Variants in CDH6 observed in about 807,000 individuals in gnomAD.
The protein encoded by CDH6 is cadherin 6, also known as cadherin-6.
CDH6 carries 31 observed loss-of-function variants against 78.0 expected under a neutral mutation model. The ratio of observed to expected loss-of-function variants is 0.40; its 90% confidence interval spans 0.30 to 0.54. The LOEUF (loss-of-function observed/expected upper bound fraction) is 0.54. Ranked by LOEUF, CDH6 falls within the 20% of genes least tolerant of loss-of-function variation. The probability of loss-of-function intolerance (pLI) is 0.56; values close to 1 mark genes in which losing one functional copy is unlikely to be tolerated. For synonymous variants in CDH6, 376 were observed against 368.8 expected, an observed-to-expected ratio of 1.02 and a Z score of -0.23; for missense variants, 724 against 975.9, an observed-to-expected ratio of 0.74 and a Z score of 3.44.
chr5:31,280,496 C>G (rs185389025), intron 2 of CDH6, among the ~76,000 whole-genome samples: 38 of 152,270 alleles, frequency 2.5e-4, no homozygotes, highest in Middle Eastern at 3.4e-3. Context: ...AGCACAGTAC[C>G]AAAGCTGAGG....
chr5:31,288,282 A>G (rs1325650307), intron 2 of CDH6, among the ~76,000 whole-genome samples: 1 of 152,258 alleles, frequency 6.6e-6, no homozygotes, highest in East Asian at 1.9e-4. Flanking sequence ...TGGTAAAATA[A>G]TCATCACATA....
In CDH6 at chr5:31,305,213, G is replaced by A. The variant is rs749169784; in HGVS notation, c.1039G>A (p.Val347Met). The A allele has an allele frequency of 5.0e-6, 8 of 1,613,930 alleles. No individual in the cohort carries two copies. In the South Asian group the frequency reaches 8.8e-5, roughly 18 times the overall value. The change falls in exon 7 of 12, where the codon GTG becomes ATG. Residue 347 changes from valine to methionine, a missense_variant. Val to Met is a conservative substitution (Grantham distance 21). Around this residue, in one of 3 missense-constraint regions of CDH6, gnomAD observed 446 missense variants for 684.5 expected, o/e 0.65. Coordinates refer to ENST00000265071, the MANE Select transcript of CDH6 (RefSeq NM_004932.4). ...AAAGAAGAAAGTGTATACCCTTAAA[G>A]TGGAAGCCTCCAATCCTTATGTTGA... ...FEKKKVYTLK[V>M]EASNPYVEPR...
At chr5:31,228,489 GA>G (rs1280493122) in intron 1 of CDH6, among the ~76,000 whole-genome samples, 1 of 152,114 alleles carries the variant, frequency 6.6e-6, no homozygotes, top group East Asian at 1.9e-4. Context: ...GACACCCATG[GA>G]CTCCCACCCC....
At chr5:31,289,425 T>C (rs1334561487) in intron 2 of CDH6, among the ~76,000 whole-genome samples, 1 of 152,208 alleles carries the variant, frequency 6.6e-6, no homozygotes, top group East Asian at 1.9e-4. Context: ...GGTGTTATGA[T>C]AAACATATGA....
At chr5:31,302,643 G>A (rs534176611) in intron 6 of CDH6, among the ~76,000 whole-genome samples, 32 of 147,340 alleles carry the variant, frequency 2.2e-4, no homozygotes, top group Non-Finnish European at 3.9e-4. Context: ...AGCCTGGGCA[G>A]CAGAGGTTGC....
chr5:31,267,728 T>C, intron 2 of CDH6, 27 bp downstream of exon 2: 2 of 1,547,654 alleles, frequency 1.3e-6, no homozygotes, highest in South Asian at 1.1e-5. Flanking sequence ...TGCTTTGACA[T>C]TCTGGGTTTA....
intron 1 of CDH6, among the ~76,000 whole-genome samples, chr5:31,257,455 G>A (rs564253392): frequency 2.0e-5 from 3 of 152,178 alleles, no homozygotes; most frequent in Admixed American, 6.5e-5. Flanking sequence ...GAGCCACCGC[G>A]CCTGGCCACA....
At chr5:31,320,393 T>G (rs540733605) in intron 11 of CDH6, among the ~76,000 whole-genome samples, 1 of 152,200 alleles carries the variant, frequency 6.6e-6, no homozygotes, top group Non-Finnish European at 1.5e-5. Context: ...AAGCTATAGA[T>G]ACCTTAAGCC....
At chr5:31,312,282 C>T (rs895668538) in intron 7 of CDH6, among the ~76,000 whole-genome samples, 4 of 152,240 alleles carry the variant, frequency 2.6e-5, no homozygotes, top group Non-Finnish European at 5.9e-5. Flanking sequence ...ACTTACCCAT[C>T]TTCCCCGAAT....
At chr5:31,284,974 C>T (rs1742973584) in intron 2 of CDH6, among the ~76,000 whole-genome samples, 2 of 152,158 alleles carry the variant, frequency 1.3e-5, no homozygotes, top group Admixed American at 6.5e-5. Context: ...CCTAAAGAGA[C>T]CGTATTACTG....
chr5:31,223,205 CTTTTAAAAGTGAACCGCA>C (rs1741050539), intron 1 of CDH6, among the ~76,000 whole-genome samples: 1 of 152,116 alleles, frequency 6.6e-6, no homozygotes, highest in Non-Finnish European at 1.5e-5. Context: ...TTTAGAAGCC[CTTTTAAAAGTGAACCGCA>C]TTTTAAGGAC....
At chr5:31,200,123 T>C (rs1740309775) in intron 1 of CDH6, among the ~76,000 whole-genome samples, 1 of 152,190 alleles carries the variant, frequency 6.6e-6, no homozygotes, top group African/African-American at 2.4e-5. Context: ...TTTAAGTTAT[T>C]CATTTTTGAA....
In CDH6 at chr5:31,305,330, C is replaced by G; in HGVS notation, c.1156C>G (p.Leu386Val). 3 of 1,614,138 alleles carry G rather than the reference C, an allele frequency of 1.9e-6. No homozygotes were observed. Among genetic ancestry groups the G allele is most frequent in the Non-Finnish European group, 2.5e-6 (3 of 1,179,990 alleles). ...AGATGAGCCACCTGTCTTCAGCAAACTGGCCTACATCTTACAAATAAGAGA... is the reference window on the plus strand; with the variant it reads ...AGATGAGCCACCTGTCTTCAGCAAAGTGGCCTACATCTTACAAATAAGAGA... ...DVDEPPVFSK[L>V]AYILQIREDA... The change falls in exon 7 of 12, where the codon CTG becomes GTG. Residue 386 changes from leucine (L) to valine (V), a missense_variant. Physicochemically the swap from Leu to Val is conservative, Grantham distance 32. Coordinates refer to ENST00000265071, the MANE Select transcript of CDH6 (RefSeq NM_004932.4).
intron 7 of CDH6, among the ~76,000 whole-genome samples, chr5:31,307,581 T>C (rs1340544893): frequency 2.0e-5 from 3 of 152,248 alleles, no homozygotes; most frequent in Admixed American, 6.5e-5. Flanking sequence ...TTTTCACTAA[T>C]ATAGCTTTCA....
chr5:31,206,378 G>A (rs552319376), intron 1 of CDH6, among the ~76,000 whole-genome samples: 1 of 152,268 alleles, frequency 6.6e-6, no homozygotes, highest in Admixed American at 6.5e-5. Context: ...TTCAGTGAGT[G>A]TACCAGTATA....
chr5:31,305,224 C>T lies in CDH6; in HGVS notation c.1050C>T (p.Ser350=). Residue 350 remains serine (S), a synonymous_variant, in exon 7 of 12, where the codon TCC becomes TCT. Transcript: ENST00000265071. The part of the protein sequence containing the change: ...KKVYTLKVEA[S]NPYVEPRFLY... ...TGTATACCCTTAAAGTGGAAGCCTC[C>T]AATCCTTATGTTGAGCCACGATTTC... 2 of 1,614,038 alleles carry T rather than the reference C, an allele frequency of 1.2e-6. No individual in the cohort carries two copies. Among genetic ancestry groups the T allele is most frequent in the Non-Finnish European group, 1.7e-6 (2 of 1,179,916 alleles).
intron 1 of CDH6, among the ~76,000 whole-genome samples, chr5:31,221,954 G>A (rs543088538): frequency 3.8e-4 from 58 of 152,092 alleles, no homozygotes; most frequent in Non-Finnish European, 7.2e-4. Context: ...GATTATATGA[G>A]AAACCATATG....
intron 2 of CDH6, among the ~76,000 whole-genome samples, chr5:31,275,002 T>C (rs1053665858): frequency 1.3e-4 from 20 of 152,304 alleles, no homozygotes; most frequent in Middle Eastern, 6.8e-3. Context: ...GTCTATTCTA[T>C]AGGCATTGTT....
intron 2 of CDH6, among the ~76,000 whole-genome samples, chr5:31,274,005 G>A (rs1441229613): frequency 6.6e-6 from 1 of 152,052 alleles, no homozygotes; most frequent in South Asian, 2.1e-4. Flanking sequence ...CTGAATCAGG[G>A]CAAGTGCCTT....
Sources: allele counts gnomAD v4.1 joint callset (sites outside exome capture counted in the v4.1 genomes callset), GRCh38; gene constraint gnomAD v4.1.1; regional missense constraint gnomAD v4.1.1; transcripts MANE v1.5; gene names NCBI Gene and HGNC (gene_info 2026-07-23, HGNC 2026-07-21).